Variants in RALGAPA2 observed in about 807,000 individuals in gnomAD.
The protein encoded by RALGAPA2 is ral GTPase-activating protein subunit alpha-2.
Under a neutral mutation model 230.4 loss-of-function variants are expected in RALGAPA2, and 139 were observed. That is an observed-to-expected ratio of 0.60 (90% CI 0.53 to 0.69). The LOEUF is 0.69. Ranked by LOEUF, RALGAPA2 falls within the 30% of genes least tolerant of loss-of-function variation. The probability of loss-of-function intolerance (pLI) is 0.00; values close to 1 mark genes in which losing one functional copy is unlikely to be tolerated. For synonymous variants in RALGAPA2, 847 were observed against 837.8 expected (o/e 1.01, Z -0.19); for missense variants, 2,163 against 2,276.0 (o/e 0.95, Z 1.01).
At chr20:20,654,000 G>A (rs2067497977) in intron 3 of RALGAPA2, among the ~76,000 whole-genome samples, 2 of 152,058 alleles carry the variant, frequency 1.3e-5, no homozygotes, top group African/African-American at 2.4e-5. Context: ...GAACAGGATT[G>A]GGAAGAAAAG....
chr20:20,610,848 G>A, intron 14 of RALGAPA2, among the ~76,000 whole-genome samples: 1 of 152,082 alleles, frequency 6.6e-6, no homozygotes, highest in Admixed American at 6.5e-5. Flanking sequence ...CAGGCACCCA[G>A]GATACACACT....
chr20:20,693,820 G>A (rs1231849333), intron 1 of RALGAPA2, among the ~76,000 whole-genome samples: 1 of 152,074 alleles, frequency 6.6e-6, no homozygotes, highest in Non-Finnish European at 1.5e-5. Context: ...CTAATAGAAA[G>A]TTGGCCGGGC....
chr20:20,416,316 C>G (rs955882927), intron 37 of RALGAPA2, among the ~76,000 whole-genome samples: 10 of 152,178 alleles, frequency 6.6e-5, no homozygotes, highest in Admixed American at 1.3e-4. Flanking sequence ...CCATGGCAAG[C>G]AAACCCCCTT....
rs191754983 is a variant in RALGAPA2, at chr20:20,496,360, A to C, written c.5209-1085T>G. Among the ~76,000 whole-genome samples the C allele has an allele frequency of 2.0e-3, 301 of 152,242 alleles. 2 individuals are homozygous for C. Among genetic ancestry groups the C allele is most frequent in the African/African-American group, 6.9e-3 (286 of 41,520 alleles). On this transcript the variant is annotated intron_variant, in intron 35 of 39. Coordinates refer to ENST00000202677, the MANE Select transcript of RALGAPA2 (RefSeq NM_020343.4). The stretch of plus-strand genomic sequence containing the variant: ...TCAAGCTGGAGAAAGCTGCACACGA[A>C]ATCATTTAAGTGACAAAGAATCAAA...
intron 37 of RALGAPA2, among the ~76,000 whole-genome samples, chr20:20,463,049 T>G (rs2061338357): frequency 6.6e-6 from 1 of 152,194 alleles, no homozygotes; most frequent in African/African-American, 2.4e-5. Flanking sequence ...TATTTCAGTC[T>G]GTGGGCACCA....
chr20:20,675,403 C>T (rs1048037301), intron 3 of RALGAPA2, among the ~76,000 whole-genome samples: 46 of 152,124 alleles, frequency 3.0e-4, no homozygotes, highest in African/African-American at 1.1e-3. Flanking sequence ...GAGATCTTTC[C>T]TACAGTGCTT....
chr20:20,573,263 A>T (rs2064708067), intron 20 of RALGAPA2, among the ~76,000 whole-genome samples, 195 bp from the exon 21 acceptor site: 2 of 152,230 alleles, frequency 1.3e-5, no homozygotes, highest in Admixed American at 6.5e-5. Context: ...TTCAAACTAA[A>T]AGAGCAACAA....
chr20:20,604,589 G>A (rs530674216), intron 15 of RALGAPA2, among the ~76,000 whole-genome samples: 7 of 152,170 alleles, frequency 4.6e-5, no homozygotes, highest in South Asian at 4.1e-4. Flanking sequence ...TGTCCAACCC[G>A]TGACCCATGG....
chr20:20,529,973 T>A (rs1232405248), intron 27 of RALGAPA2, among the ~76,000 whole-genome samples: 1 of 152,148 alleles, frequency 6.6e-6, no homozygotes, highest in African/African-American at 2.4e-5. Flanking sequence ...CAAAAACAGA[T>A]CTTGGAATTG....
intron 37 of RALGAPA2, chr20:20,471,067 T>G (rs929265555): frequency 6.6e-6 from 1 of 152,218 alleles, no homozygotes. Flanking sequence ...CTGTACTACA[T>G]TGTTGTTTGA....
Position 20,396,862 on chromosome 20 carries a change from A to C in RALGAPA2, c.5618-128T>G, listed in dbSNP as rs1173531890. 11 of 769,394 alleles carry C rather than the reference A, an allele frequency of 1.4e-5. No individual in the cohort carries two copies. In the East Asian group the frequency reaches 3.1e-4, roughly 21 times the overall value. The allele number at this position is 769,394 out of a possible 1,614,324, so 47.7% of individuals were successfully genotyped here. On this transcript the variant is annotated intron_variant, in intron 38 of 39. Coordinates refer to ENST00000202677, the MANE Select transcript of RALGAPA2 (RefSeq NM_020343.4). ...GCCCAAGCATTTCTGCAGCCTTGTC[A>C]ATCAGTAAAAACTGAACATTCACTT...
In RALGAPA2 at chr20:20,452,998, G is replaced by A. The variant is rs1191335922; in HGVS notation, c.5495+19831C>T. On this transcript the variant is annotated intron_variant, in intron 37 of 39. Coordinates refer to ENST00000202677, the MANE Select transcript of RALGAPA2 (RefSeq NM_020343.4). Reference sequence around the variant, plus strand: ...CCATTCACAAAACTGTGTGGCCTCAGGCAAGTTATTTAACTTTTCTGGGCT... The same window carrying A: ...CCATTCACAAAACTGTGTGGCCTCAAGCAAGTTATTTAACTTTTCTGGGCT... 2.0e-5 allele frequency among the ~76,000 whole-genome samples: 3 copies of A among 152,120 alleles called. No individual in the cohort carries two copies. In the East Asian group the frequency reaches 5.8e-4, roughly 29 times the overall value.
intron 27 of RALGAPA2, among the ~76,000 whole-genome samples, chr20:20,529,323 G>C (rs1324973179): frequency 6.6e-6 from 1 of 152,166 alleles, no homozygotes; most frequent in African/African-American, 2.4e-5. Context: ...GCTGTGCTGG[G>C]ATAGCGGACA....
chr20:20,593,831 T>C (rs1289776182), intron 16 of RALGAPA2, among the ~76,000 whole-genome samples: 1 of 152,206 alleles, frequency 6.6e-6, no homozygotes, highest in Non-Finnish European at 1.5e-5. Context: ...ACAGCACCAT[T>C]GCTTCCAAAT....
At chr20:20,494,569 T>A (rs1232683447) in intron 36 of RALGAPA2, among the ~76,000 whole-genome samples, 1 of 152,230 alleles carries the variant, frequency 6.6e-6, no homozygotes, top group Non-Finnish European at 1.5e-5. Context: ...GCTGAATTGA[T>A]TCTGCAGCAA....
At chr20:20,530,475 T>C (rs1225801933) in intron 27 of RALGAPA2, among the ~76,000 whole-genome samples, 1 of 151,892 alleles carries the variant, frequency 6.6e-6, no homozygotes, top group Non-Finnish European at 1.5e-5. Context: ...TCAGAGGGTG[T>C]ACTTGGGGAA....
chr20:20,660,266 C>T (rs1180578144), intron 3 of RALGAPA2, among the ~76,000 whole-genome samples: 1 of 151,872 alleles, frequency 6.6e-6, no homozygotes, highest in African/African-American at 2.4e-5. Flanking sequence ...ATATTGATAC[C>T]TTTGCCTCTG....
intron 20 of RALGAPA2, among the ~76,000 whole-genome samples, chr20:20,574,005 GAAGA>G (rs2064739667): frequency 6.6e-6 from 1 of 152,174 alleles, no homozygotes; most frequent in Admixed American, 6.6e-5. Flanking sequence ...ACATTAAACT[GAAGA>G]AAGAAACTGT....
chr20:20,598,157 T>C (rs888498309), intron 16 of RALGAPA2, among the ~76,000 whole-genome samples: 10 of 152,216 alleles, frequency 6.6e-5, no homozygotes, highest in Non-Finnish European at 1.3e-4. Context: ...GTTTTGGAAA[T>C]TACTGCTTTT....
Sources: allele counts gnomAD v4.1 joint callset (sites outside exome capture counted in the v4.1 genomes callset), GRCh38; gene constraint gnomAD v4.1.1; transcripts MANE v1.5; gene names NCBI Gene and HGNC (gene_info 2026-07-23, HGNC 2026-07-21).